ZMYM2: variants seen among roughly 807,000 people sequenced by gnomAD.
ZMYM2 encodes the protein zinc finger MYM-type containing 2.
In ZMYM2, 56 loss-of-function variants were observed where a neutral mutation model predicts 162.8. The ratio of observed to expected loss-of-function variants is 0.34; its 90% CI spans 0.28 to 0.43. ZMYM2 has a LOEUF of 0.43. Ranked by LOEUF, ZMYM2 falls within the 20% of genes least tolerant of loss-of-function variation. The pLI, the probability that ZMYM2 is intolerant of heterozygous loss-of-function variation, is 1.00. For missense variants in ZMYM2, 1,275 were observed against 1,621.8 expected (o/e 0.79, Z 3.67); for synonymous variants, 510 against 541.6 (o/e 0.94, Z 0.81).
chr13:19,986,179 A>G (rs1445905739), intron 2 of ZMYM2, among the ~76,000 whole-genome samples: 1 of 149,810 alleles, frequency 6.7e-6, no homozygotes, highest in Non-Finnish European at 1.5e-5. Context: ...CCTAGGCAAT[A>G]GAGCCAGACT....
Position 19,973,438 on chromosome 13 carries a change from A to G in ZMYM2, c.-11+13412A>G, listed in dbSNP as rs547810596. 9.2e-5 allele frequency among the ~76,000 whole-genome samples: 14 copies of G among 152,086 alleles called. No individual in the cohort carries two copies. The South Asian group carries it at 2.9e-3, about 32-fold the overall frequency. ...GTAATCCCAGCACTTTGGGAGGCCA[A>G]GGCAGGTGGATCTCCTGAGGTCAAG... On this transcript the variant is annotated intron_variant, in intron 2 of 24. Transcript: ENST00000610343.
chr13:19,900,419 T>C, the ZMYM2 span, among the ~76,000 whole-genome samples: 1 of 152,152 alleles, frequency 6.6e-6, no homozygotes, highest in Non-Finnish European at 1.5e-5. Flanking sequence ...TGAACAGGCC[T>C]ATTACTAGGA....
intron 2 of ZMYM2, chr13:19,970,045 TG>T: frequency 1.0e-6 from 1 of 985,414 alleles, no homozygotes; most frequent in Non-Finnish European, 1.2e-6. Context: ...GTCTTAATCA[TG>T]GAACATTTGA....
intron 12 of ZMYM2, among the ~76,000 whole-genome samples, chr13:20,050,176 A>G (rs1256356005): frequency 6.6e-6 from 1 of 152,076 alleles, no homozygotes; most frequent in South Asian, 2.1e-4. Context: ...CATAATTTAT[A>G]CTATAAATCT....
intron 2 of ZMYM2, among the ~76,000 whole-genome samples, chr13:19,982,794 G>T (rs994287987): frequency 6.6e-6 from 1 of 152,280 alleles, no homozygotes; most frequent in South Asian, 2.1e-4. Context: ...TTTGCTTCCT[G>T]TGGATTCAGT....
chr13:19,964,192 TGTG>T (rs1955532500), intron 2 of ZMYM2, among the ~76,000 whole-genome samples: 1 of 151,872 alleles, frequency 6.6e-6, no homozygotes, highest in African/African-American at 2.4e-5. Context: ...GCCTGGCCAA[TGTG>T]GTGAAACCCT....
chr13:20,061,631 C>T (rs1313676398), intron 17 of ZMYM2, among the ~76,000 whole-genome samples: 1 of 151,712 alleles, frequency 6.6e-6, no homozygotes, highest in East Asian at 1.9e-4. Context: ...CTCTGTTGCC[C>T]AGGGTGGAGT....
the ZMYM2 span, among the ~76,000 whole-genome samples, chr13:19,890,797 G>A: frequency 5.9e-5 from 9 of 151,516 alleles, no homozygotes; most frequent in East Asian, 5.8e-4. Context: ...TCGTGAACCC[G>A]AGAGGCGGAG....
chr13:19,870,695 C>T, the ZMYM2 span, among the ~76,000 whole-genome samples: 1 of 151,672 alleles, frequency 6.6e-6, no homozygotes, highest in Non-Finnish European at 1.5e-5. Flanking sequence ...AGTGCGATCT[C>T]GGCTCACTGC....
the ZMYM2 span, among the ~76,000 whole-genome samples, chr13:19,910,413 TA>T: frequency 1.3e-5 from 2 of 152,142 alleles, no homozygotes; most frequent in Non-Finnish European, 2.9e-5. Context: ...TATCTCGGTT[TA>T]CTGAAGGGAA....
chr13:19,978,033 C>G (rs149823231), intron 2 of ZMYM2, among the ~76,000 whole-genome samples: 1 of 151,806 alleles, frequency 6.6e-6, no homozygotes, highest in African/African-American at 2.4e-5. Flanking sequence ...CCCACCACCA[C>G]GCCTGGCTAA....
chr13:20,039,301 A>G (rs1457308139), intron 12 of ZMYM2, among the ~76,000 whole-genome samples: 40 of 152,066 alleles, frequency 2.6e-4, no homozygotes, highest in Non-Finnish European at 8.8e-5. Context: ...AGGACTTCCA[A>G]TACTGTGTTG....
In ZMYM2 at chr13:20,082,872, C is replaced by T; in HGVS notation, c.3660C>T (p.Phe1220=). 3 of 1,613,894 alleles carry T rather than the reference C, an allele frequency of 1.9e-6. No individual in the cohort carries two copies. In the South Asian group the frequency reaches 3.3e-5, roughly 18 times the overall value. The change falls in exon 23 of 25, where the codon TTC becomes TTT. Residue 1220 remains phenylalanine (F), a synonymous_variant. Transcript: ENST00000610343. ...CAGTAGCTCTTCTGAATACACTGTT[C>T]TACTTTAACACTAAGTATTTTGGCC... ...HSPVALLNTL[F]YFNTKYFGLK...
intron 23 of ZMYM2, 33 bp from the exon 24 acceptor site, chr13:20,083,622 GT>G: frequency 2.8e-6 from 4 of 1,430,860 alleles, no homozygotes; most frequent in Non-Finnish European, 3.8e-6. Flanking sequence ...TTCAAGATTA[GT>G]TTAGGAGGTT....
chr13:19,885,535 T>G, the ZMYM2 span, among the ~76,000 whole-genome samples: 90,604 of 151,456 alleles, frequency 0.6, 30,963 homozygotes, highest in East Asian at 0.88. Context: ...TTTTATTTAT[T>G]TGTCTTAAAA....
At chr13:19,988,390 C>T (rs1949346245) in intron 2 of ZMYM2, among the ~76,000 whole-genome samples, 1 of 152,108 alleles carries the variant, frequency 6.6e-6, no homozygotes, top group South Asian at 2.1e-4. Context: ...TTAAAGTGAA[C>T]ATAATTGGCT....
At chr13:19,983,769 C>G (rs899459258) in intron 2 of ZMYM2, among the ~76,000 whole-genome samples, 21 of 152,160 alleles carry the variant, frequency 1.4e-4, no homozygotes, top group African/African-American at 5.1e-4. Flanking sequence ...GCTGGGACCA[C>G]AGGCGTGCAT....
At chr13:20,074,686 C>T (rs1251408287) in intron 21 of ZMYM2, among the ~76,000 whole-genome samples, 1 of 152,090 alleles carries the variant, frequency 6.6e-6, no homozygotes, top group Non-Finnish European at 1.5e-5. Context: ...CTACAGGCGC[C>T]TGCAACCACG....
chr13:20,063,117 AC>A, intron 18 of ZMYM2, 146 bp downstream of exon 18: 5 of 1,063,428 alleles, frequency 4.7e-6, no homozygotes, highest in Non-Finnish European at 5.1e-6. Context: ...TTAAGAGTTA[AC>A]TTCATATTTT....
Sources: allele counts gnomAD v4.1 joint callset (sites outside exome capture counted in the v4.1 genomes callset), GRCh38; gene constraint gnomAD v4.1.1; transcripts MANE v1.5; gene names NCBI Gene and HGNC (gene_info 2026-07-23, HGNC 2026-07-21).